Variants in CDK5RAP2 observed in about 807,000 individuals in gnomAD.
The protein encoded by CDK5RAP2 is CDK5 regulatory subunit-associated protein 2.
CDK5RAP2 carries 147 observed loss-of-function variants against 232.9 expected under a neutral mutation model. That is an observed-to-expected ratio of 0.63 (90% CI 0.55 to 0.72). The LOEUF (loss-of-function observed/expected upper bound fraction) is 0.72. CDK5RAP2 is among the 30% of genes least tolerant of loss of function. The pLI, the probability that CDK5RAP2 is intolerant of heterozygous loss-of-function variation, is 0.00. For synonymous variants in CDK5RAP2, 833 were observed against 833.7 expected (o/e 1.00, Z 0.01); for missense variants, 2,195 against 2,231.5 (o/e 0.98, Z 0.33).
chr9:120,551,464 T>C (rs1431098145), intron 3 of CDK5RAP2, among the ~76,000 whole-genome samples: 1 of 152,192 alleles, frequency 6.6e-6, no homozygotes, highest in Non-Finnish European at 1.5e-5. Flanking sequence ...TCATCTCTTA[T>C]CACCATTGAA....
chr9:120,453,901 G>T (rs572821353), intron 20 of CDK5RAP2, 28 bp from the exon 21 acceptor site: 1 of 1,612,384 alleles, frequency 6.2e-7, no homozygotes, highest in East Asian at 2.2e-5. Flanking sequence ...AAGGAAGTGG[G>T]AGAACCAAGC....
chr9:120,510,625 T>C (rs1018906678), intron 12 of CDK5RAP2, among the ~76,000 whole-genome samples: 2 of 152,126 alleles, frequency 1.3e-5, no homozygotes, highest in African/African-American at 4.8e-5. Context: ...TCTGACAATG[T>C]ATCAAACTCA....
chr9:120,568,996 G>A (rs763222136), intron 2 of CDK5RAP2, among the ~76,000 whole-genome samples: 6 of 152,162 alleles, frequency 3.9e-5, no homozygotes, highest in African/African-American at 7.2e-5. Flanking sequence ...AAATCTCTCC[G>A]CAGCATCTTT....
chr9:120,485,700 G>C (rs987476127), intron 14 of CDK5RAP2, among the ~76,000 whole-genome samples: 3 of 152,190 alleles, frequency 2.0e-5, no homozygotes, highest in Non-Finnish European at 2.9e-5. Flanking sequence ...GTGTGAAAAA[G>C]ACTATGCCTT....
chr9:120,507,910 TAAAAAAAAAAAA>T (rs1161123095), intron 12 of CDK5RAP2, among the ~76,000 whole-genome samples: 1 of 59,420 alleles, frequency 1.7e-5, no homozygotes, highest in African/African-American at 8.2e-5. Context: ...ACTGGCTGAT[TAAAAAAAAAAAA>T]AAAAAAAAAA....
chr9:120,501,877 A>G (rs899159816), intron 12 of CDK5RAP2, among the ~76,000 whole-genome samples: 2 of 152,226 alleles, frequency 1.3e-5, no homozygotes, highest in African/African-American at 4.8e-5. Flanking sequence ...TTTGTTATGC[A>G]GCAATAGATA....
chr9:120,484,964 T>C (rs2038518653), intron 14 of CDK5RAP2, among the ~76,000 whole-genome samples: 1 of 151,892 alleles, frequency 6.6e-6, no homozygotes, highest in Admixed American at 6.6e-5. Flanking sequence ...CCTCAAGCAA[T>C]CCTCCTGTCT....
intron 12 of CDK5RAP2, among the ~76,000 whole-genome samples, chr9:120,500,141 C>T (rs1460389028): frequency 6.6e-6 from 1 of 152,154 alleles, no homozygotes; most frequent in Non-Finnish European, 1.5e-5. Context: ...CGAGGCAGTG[C>T]CTAAAGTGAA....
intron 28 of CDK5RAP2, among the ~76,000 whole-genome samples, chr9:120,412,724 A>C (rs2033926506): frequency 6.6e-6 from 1 of 152,232 alleles, no homozygotes; most frequent in African/African-American, 2.4e-5. Context: ...AGCTGAAAGC[A>C]TCCTGGCACA....
chr9:120,518,210 T>TGAGACA (rs1554770757), intron 12 of CDK5RAP2, among the ~76,000 whole-genome samples: 39 of 44,000 alleles, frequency 8.9e-4, no homozygotes, highest in South Asian at 4.5e-3. Context: ...TGTGTGTGTG[T>TGAGACA]GAGAGAGAGA....
chr9:120,420,043 A>G, intron 26 of CDK5RAP2, 83 bp from the exon 27 acceptor site: 1 of 1,118,224 alleles, frequency 8.9e-7, no homozygotes, highest in Non-Finnish European at 1.4e-6. Context: ...ACTTACGATT[A>G]CTTTACTCTT....
At position 120,576,442 on chromosome 9, in the gene CDK5RAP2, C is replaced by T. The variant is rs531035956; in HGVS notation, c.59+3478G>A. Among the ~76,000 whole-genome samples the T allele has an allele frequency of 3.3e-5, 5 of 152,310 alleles. No homozygotes were observed. In the South Asian group the frequency reaches 1.0e-3, roughly 32 times the overall value. The stretch of plus-strand genomic sequence containing the variant: ...TGAGGGCCAGGCGGGGTGGCTCACT[C>T]CTGTAACCCAGCACTTTGGGAGGCC... On this transcript the variant is annotated intron_variant, in intron 1 of 37. Coordinates refer to ENST00000349780, the MANE Select transcript of CDK5RAP2 (RefSeq NM_018249.6).
intron 12 of CDK5RAP2, among the ~76,000 whole-genome samples, chr9:120,507,490 C>G (rs2039868119): frequency 6.6e-6 from 1 of 152,140 alleles, no homozygotes; most frequent in African/African-American, 2.4e-5. Flanking sequence ...CCAAGAAGCT[C>G]TAGGATTAGG....
At chr9:120,540,034 G>A (rs190479043) in intron 5 of CDK5RAP2, among the ~76,000 whole-genome samples, 1 of 152,284 alleles carries the variant, frequency 6.6e-6, no homozygotes, top group East Asian at 1.9e-4. Context: ...CATAAAAAGG[G>A]GAGGTTACAC....
intron 12 of CDK5RAP2, among the ~76,000 whole-genome samples, chr9:120,512,601 C>A (rs2040146674): frequency 6.6e-6 from 1 of 152,202 alleles, no homozygotes; most frequent in African/African-American, 2.4e-5. Context: ...ATATACCAAT[C>A]TTCCTTTCTG....
intron 14 of CDK5RAP2, among the ~76,000 whole-genome samples, chr9:120,478,711 T>C (rs2038153029): frequency 6.6e-6 from 1 of 152,104 alleles, no homozygotes; most frequent in African/African-American, 2.4e-5. Context: ...AGCCCAGAAG[T>C]TTGAGACTGC....
intron 25 of CDK5RAP2, among the ~76,000 whole-genome samples, chr9:120,423,719 A>G (rs2034710008): frequency 6.6e-6 from 1 of 152,246 alleles, no homozygotes; most frequent in Non-Finnish European, 1.5e-5. Flanking sequence ...AAACTCTTCT[A>G]CAGTTGTACT....
chr9:120,419,860 A>C lies in CDK5RAP2; in HGVS notation c.4105T>G (p.Phe1369Val). The C allele has an allele frequency of 1.2e-6, 2 of 1,613,664 alleles. No individual in the cohort carries two copies. The highest frequency in any genetic ancestry group is 1.7e-6 in the Non-Finnish European group (2 of 1,179,518). The change falls in exon 27 of 38, where the codon TTC (phenylalanine) becomes GTC (valine). Residue 1369 changes from phenylalanine to valine, a missense_variant. By Grantham distance (50) the Phe-to-Val change is conservative (BLOSUM62 -1). Transcript: ENST00000349780. ...TCTTGCTTCTGGTCTCGTGAGAAGA[A>C]GGACTTTTCAGATGTTTCATAATCA... ...LSDYETSEKS[F>V]FSRDQKQDNE... is the part of the protein sequence containing the mutation.
intron 15 of CDK5RAP2, among the ~76,000 whole-genome samples, chr9:120,472,740 A>G (rs1000243083): frequency 6.6e-6 from 1 of 152,208 alleles, no homozygotes; most frequent in Non-Finnish European, 1.5e-5. Context: ...GAGGAGACCA[A>G]GAAAATGCAC....
Sources: gnomAD v4.1 joint callset for allele counts (sites outside exome capture counted in the v4.1 genomes callset) on GRCh38, gnomAD v4.1.1 for gene constraint, MANE v1.5 for transcripts, NCBI Gene and HGNC (gene_info 2026-07-23, HGNC 2026-07-21) for gene names.